Variants in RALGAPA2 observed in about 807,000 individuals in gnomAD.
RALGAPA2 encodes ral GTPase-activating protein subunit alpha-2.
RALGAPA2 carries 139 observed loss-of-function variants against 230.4 expected under a neutral mutation model. That is an observed-to-expected ratio of 0.60 (90% CI 0.53 to 0.69). The LOEUF (loss-of-function observed/expected upper bound fraction) is 0.69. Ranked by LOEUF, RALGAPA2 falls within the 30% of genes least tolerant of loss-of-function variation. The pLI is 0.00. For missense variants in RALGAPA2, 2,163 were observed against 2,276.0 expected (o/e 0.95, Z 1.01); for synonymous variants, 847 against 837.8 (o/e 1.01, Z -0.19).
At chr20:20,510,719 G>A (rs2062680073) in intron 33 of RALGAPA2, among the ~76,000 whole-genome samples, 1 of 152,200 alleles carries the variant, frequency 6.6e-6, no homozygotes, top group Non-Finnish European at 1.5e-5. Flanking sequence ...TTCTGAGACA[G>A]TATAGAACAG....
At chr20:20,577,558 A>T (rs2064858452) in intron 20 of RALGAPA2, among the ~76,000 whole-genome samples, 1 of 152,052 alleles carries the variant, frequency 6.6e-6, no homozygotes, top group Admixed American at 6.6e-5. Context: ...GAGTGCAAAA[A>T]ACCTAATTAT....
chr20:20,599,283 A>G (rs905404618), intron 16 of RALGAPA2, among the ~76,000 whole-genome samples: 28 of 152,234 alleles, frequency 1.8e-4, no homozygotes, highest in Admixed American at 6.5e-4. Flanking sequence ...CAAAAAGCTC[A>G]AGAACACATA....
chr20:20,668,387 A>G (rs1000440745), intron 3 of RALGAPA2, among the ~76,000 whole-genome samples: 1 of 152,178 alleles, frequency 6.6e-6, no homozygotes, highest in Non-Finnish European at 1.5e-5. Context: ...TGAGCAACAG[A>G]GCGAGACTGT....
At chr20:20,598,899 C>G in intron 16 of RALGAPA2, 1 of 373,520 alleles carries the variant, frequency 2.7e-6, no homozygotes, top group East Asian at 7.3e-5. Flanking sequence ...TTTCTGGGCT[C>G]TCTTTAAACA....
intron 16 of RALGAPA2, among the ~76,000 whole-genome samples, chr20:20,597,571 T>G (rs1033803049): frequency 2.6e-5 from 4 of 152,072 alleles, no homozygotes; most frequent in African/African-American, 9.7e-5. Flanking sequence ...TTAGGTTATC[T>G]CCAATGTTAA....
intron 5 of RALGAPA2, among the ~76,000 whole-genome samples, chr20:20,642,761 A>G (rs934441583): frequency 7.9e-5 from 12 of 152,162 alleles, no homozygotes; most frequent in Non-Finnish European, 1.3e-4. Flanking sequence ...TTTTTTCAAC[A>G]TGTAAGAAAT....
intron 3 of RALGAPA2, among the ~76,000 whole-genome samples, chr20:20,654,459 G>C (rs2067516025): frequency 6.6e-6 from 1 of 152,230 alleles, no homozygotes; most frequent in African/African-American, 2.4e-5. Context: ...CAAAGTGCTT[G>C]GATTACAGGC....
intron 23 of RALGAPA2, among the ~76,000 whole-genome samples, chr20:20,571,067 C>T (rs944289211): frequency 1.3e-5 from 2 of 152,188 alleles, no homozygotes; most frequent in African/African-American, 4.8e-5. Flanking sequence ...ACAAAAACAT[C>T]CTAACTACTA....
intron 37 of RALGAPA2, among the ~76,000 whole-genome samples, chr20:20,434,782 A>G (rs1216684451): frequency 6.6e-6 from 1 of 152,116 alleles, no homozygotes; most frequent in Non-Finnish European, 1.5e-5. Context: ...CTAACACATT[A>G]AAAACTAGAT....
intron 23 of RALGAPA2, among the ~76,000 whole-genome samples, chr20:20,560,735 T>C (rs1391963984): frequency 1.3e-5 from 2 of 152,186 alleles, no homozygotes; most frequent in Non-Finnish European, 1.5e-5. Flanking sequence ...GTACCTGAAA[T>C]GTCTCTAGAA....
rs184259016 is a variant in RALGAPA2 at position 20,487,794 on chromosome 20, C to G, written c.5367+7323G>C. Among the ~76,000 whole-genome samples, 88 of 152,110 alleles carry G rather than the reference C, an allele frequency of 5.8e-4. No homozygotes were observed. In the East Asian group the frequency reaches 0.017, roughly 29 times the overall value. On this transcript the variant is annotated intron_variant, in intron 36 of 39. Coordinates refer to ENST00000202677, the MANE Select transcript of RALGAPA2 (RefSeq NM_020343.4). ...AGGCGTGGTGGCATACGCCTTTAGT[C>G]CCAGCTACTCAGGAGGCTGAGGTGC...
chr20:20,613,924 G>A (rs144180854), intron 13 of RALGAPA2, among the ~76,000 whole-genome samples: 32 of 152,220 alleles, frequency 2.1e-4, no homozygotes, highest in East Asian at 1.2e-3. Context: ...TCAGTACTTC[G>A]GAGTCTCTGA....
At chr20:20,504,671 A>C (rs1169410995) in intron 34 of RALGAPA2, among the ~76,000 whole-genome samples, 1 of 152,110 alleles carries the variant, frequency 6.6e-6, no homozygotes, top group Non-Finnish European at 1.5e-5. Context: ...GGTTGCAGTG[A>C]GCCGAGATTG....
chr20:20,527,845 G>A lies in RALGAPA2; in HGVS notation c.3583-1483C>T, dbSNP rs1040869040. 1.3e-5 allele frequency among the ~76,000 whole-genome samples: 2 copies of A among 152,208 alleles called. 1 individual carries two copies. The highest frequency in any genetic ancestry group is 4.1e-4 in the South Asian group (2 of 4,822). Reference sequence around the variant, plus strand: ...GAGTGGGAGAACATGAGTGGGCACTGTGTGTGTTGCTGATGCACCACAGTG... The same window carrying A: ...GAGTGGGAGAACATGAGTGGGCACTATGTGTGTTGCTGATGCACCACAGTG... On this transcript the variant is annotated intron_variant, in intron 27 of 39. Coordinates refer to ENST00000202677, the MANE Select transcript of RALGAPA2 (RefSeq NM_020343.4).
In RALGAPA2 at chr20:20,513,210, C is replaced by T; in HGVS notation, c.4159G>A (p.Gly1387Arg). The change falls in exon 32 of 40, where the codon GGG (glycine) becomes AGG (arginine). Residue 1387 changes from glycine (G) to arginine (R), a missense_variant. Transcript: ENST00000202677. The stretch of plus-strand genomic sequence containing the variant: ...GGGCCCCCACTGAGGGGGTAGTGCC[C>T]CAGGTGGTTCACCAGGTGGGCCATC... ...MVMAHLVNHL[G>R]HYPLSGGPAI... 2 of 1,517,186 alleles carry T rather than the reference C, an allele frequency of 1.3e-6. No individual in the cohort carries two copies. Among genetic ancestry groups the T allele is most frequent in the Non-Finnish European group, 1.8e-6 (2 of 1,135,400 alleles). 94.0% of individuals were successfully genotyped at this position (1,517,186 alleles called of 1,614,324 possible). A position where few individuals can be genotyped will look rare whatever the true frequency, so the allele number is the denominator to read the frequency against.
At chr20:20,703,716 T>A (rs909539716) in intron 1 of RALGAPA2, among the ~76,000 whole-genome samples, 1 of 152,102 alleles carries the variant, frequency 6.6e-6, no homozygotes, top group Non-Finnish European at 1.5e-5. Flanking sequence ...TAGAAAAAAT[T>A]AAAATGATCC....
chr20:20,584,847 A>C lies in RALGAPA2; in HGVS notation c.2530+18T>G. The C allele has an allele frequency of 6.5e-7, 1 of 1,549,642 alleles. No homozygotes were observed. Among genetic ancestry groups the C allele is most frequent in the Non-Finnish European group, 8.9e-7 (1 of 1,123,998 alleles). On this transcript the variant is annotated intron_variant, in intron 19 of 39. Transcript: ENST00000202677. ...ATCAACTCTGTAGTTGGAGGAACAG[A>C]CATTTCCCGGAACTTACTCTTCTGT...
intron 37 of RALGAPA2, among the ~76,000 whole-genome samples, chr20:20,433,188 T>C (rs2060534593): frequency 6.6e-6 from 1 of 152,234 alleles, no homozygotes; most frequent in South Asian, 2.1e-4. Context: ...CTTGAATAAT[T>C]CTCACAAAAT....
chr20:20,571,943 G>C lies in RALGAPA2; in HGVS notation c.2905C>G (p.Arg969Gly). 6 of 1,598,822 alleles carry C rather than the reference G, an allele frequency of 3.8e-6. No individual in the cohort carries two copies. The highest frequency in any genetic ancestry group is 5.1e-6 in the Non-Finnish European group (6 of 1,169,594). ...YELWYKLAKI[R>G]DNLAISLDNQ... ...TCCAGGCTTATTGCTAGATTATCCCGTATCTAATTCACAAAGAGGAGAATT... is the reference window on the plus strand; with the variant it reads ...TCCAGGCTTATTGCTAGATTATCCCCTATCTAATTCACAAAGAGGAGAATT... Residue 969 changes from arginine to glycine, a missense_variant, in exon 22 of 40, where the codon CGG becomes GGG. Physicochemically the swap from Arg to Gly is moderately radical, Grantham distance 125. Coordinates refer to ENST00000202677, the MANE Select transcript of RALGAPA2 (RefSeq NM_020343.4).
Sources: allele counts gnomAD v4.1 joint callset (sites outside exome capture counted in the v4.1 genomes callset), GRCh38; gene constraint gnomAD v4.1.1; transcripts MANE v1.5; gene names NCBI Gene and HGNC (gene_info 2026-07-23, HGNC 2026-07-21).